ZRANB3: variants seen among roughly 807,000 people sequenced by gnomAD.
ZRANB3 encodes zinc finger RANBP2-type containing 3, also known as DNA annealing helicase and endonuclease ZRANB3.
Under a neutral mutation model 133.8 loss-of-function variants are expected in ZRANB3, and 125 were observed. The ratio of observed to expected loss-of-function variants is 0.93; its 90% CI spans 0.81 to 1.08. The LOEUF (loss-of-function observed/expected upper bound fraction) is 1.08. ZRANB3 is among the 50% of genes least tolerant of loss of function. The probability of loss-of-function intolerance (pLI) is 0.00; values close to 1 mark genes in which losing one functional copy is unlikely to be tolerated. For missense variants in ZRANB3, 1,229 were observed against 1,275.5 expected (o/e 0.96, Z 0.56); for synonymous variants, 387 against 432.7 (o/e 0.89, Z 1.31).
At chr2:135,259,792 C>A (rs1679859120) in intron 12 of ZRANB3, among the ~76,000 whole-genome samples, 1 of 151,004 alleles carries the variant, frequency 6.6e-6, no homozygotes, top group African/African-American at 2.4e-5. Flanking sequence ...TTTTTTGGCT[C>A]ACCTATGAAT....
At chr2:135,521,660 C>T (rs1162216374) in intron 1 of ZRANB3, among the ~76,000 whole-genome samples, 1 of 152,138 alleles carries the variant, frequency 6.6e-6, no homozygotes, top group Non-Finnish European at 1.5e-5. Context: ...CTGTAAACAA[C>T]ACAACACAAT....
intron 14 of ZRANB3, among the ~76,000 whole-genome samples, chr2:135,226,639 G>C (rs1694771380): frequency 6.6e-6 from 1 of 152,174 alleles, no homozygotes; most frequent in African/African-American, 2.4e-5. Flanking sequence ...TTTATCAAGA[G>C]ATCAATGTAC....
intron 2 of ZRANB3, among the ~76,000 whole-genome samples, chr2:135,436,889 T>C (rs1689559574): frequency 1.3e-5 from 2 of 152,202 alleles, no homozygotes; most frequent in Admixed American, 6.5e-5. Flanking sequence ...AGAATTTTCA[T>C]AGCAGTACTA....
At chr2:135,452,602 T>C (rs1690324470) in intron 2 of ZRANB3, among the ~76,000 whole-genome samples, 1 of 152,126 alleles carries the variant, frequency 6.6e-6, no homozygotes. Flanking sequence ...ATGGAGGAAT[T>C]GGCCAAAATA....
chr2:135,494,307 C>CAAAAA (rs770757530), intron 2 of ZRANB3, among the ~76,000 whole-genome samples: 1 of 51,238 alleles, frequency 2.0e-5, no homozygotes, highest in Non-Finnish European at 4.0e-5. Context: ...GACTCCGTCT[C>CAAAAA]AAAAAAAAAA....
At chr2:135,497,850 C>T (rs1347892280) in intron 2 of ZRANB3, among the ~76,000 whole-genome samples, 3 of 151,918 alleles carry the variant, frequency 2.0e-5, no homozygotes, top group Admixed American at 6.6e-5. Context: ...GTCAGGAGTT[C>T]GAGATGAGCC....
At chr2:135,379,162 A>T (rs1483544962) in intron 3 of ZRANB3, among the ~76,000 whole-genome samples, 2 of 152,180 alleles carry the variant, frequency 1.3e-5, no homozygotes, top group Non-Finnish European at 2.9e-5. Flanking sequence ...ATAATTCTAT[A>T]AATCTAAAAT....
rs374496014 is a variant in ZRANB3 at position 135,454,410 on chromosome 2, C to T, written c.161+49919G>A. Among the ~76,000 whole-genome samples, 8 of 151,374 alleles carry T rather than the reference C, an allele frequency of 5.3e-5. No individual in the cohort carries two copies. In the Admixed American group the frequency reaches 5.3e-4, roughly 10 times the overall value. On this transcript the variant is annotated intron_variant, in intron 2 of 20. Coordinates refer to ENST00000264159, the MANE Select transcript of ZRANB3 (RefSeq NM_032143.4). ...ATTAATTTATTGGGTCTCTCACTCT[C>T]TCTCTTTTTAAATCTTTAATTTTTT...
rs1447133749 is a variant in ZRANB3 at position 135,398,831 on chromosome 2, CT to C, written c.162-8012del. Among the ~76,000 whole-genome samples the C allele has an allele frequency of 5.9e-5, 9 of 152,262 alleles. No individual in the cohort carries two copies. The South Asian group carries it at 1.5e-3, about 25-fold the overall frequency. On this transcript the variant is annotated intron_variant, in intron 2 of 20. Coordinates refer to ENST00000264159, the MANE Select transcript of ZRANB3 (RefSeq NM_032143.4). ...AGCCACTGCACCCAGCATTTTGTCA[CT>C]TTTTTTATTGATCAGTTCTCCTTGG...
intron 3 of ZRANB3, among the ~76,000 whole-genome samples, chr2:135,387,055 A>C (rs1687017374): frequency 6.6e-6 from 1 of 152,112 alleles, no homozygotes; most frequent in Non-Finnish European, 1.5e-5. Flanking sequence ...AGGGGGAATA[A>C]TACTAGTGAA....
intron 2 of ZRANB3, among the ~76,000 whole-genome samples, chr2:135,488,577 T>C (rs1692228977): frequency 6.6e-6 from 1 of 151,320 alleles, no homozygotes; most frequent in African/African-American, 2.4e-5. Flanking sequence ...ATAGCATAAT[T>C]TGTAAAAACC....
chr2:135,421,136 G>C (rs1262278368), intron 2 of ZRANB3, among the ~76,000 whole-genome samples: 1 of 152,102 alleles, frequency 6.6e-6, no homozygotes, highest in Non-Finnish European at 1.5e-5. Context: ...AGTCAAGCTG[G>C]ATAAATTACA....
At chr2:135,494,796 A>C (rs191952643) in intron 2 of ZRANB3, among the ~76,000 whole-genome samples, 2 of 152,352 alleles carry the variant, frequency 1.3e-5, no homozygotes, top group East Asian at 3.9e-4. Flanking sequence ...ATGAAAGGGT[A>C]AGGAAGTGTC....
At chr2:135,319,532 A>T (rs1266289983) in intron 6 of ZRANB3, among the ~76,000 whole-genome samples, 6 of 149,774 alleles carry the variant, frequency 4.0e-5, no homozygotes, top group Non-Finnish European at 7.4e-5. Flanking sequence ...ATTATAATCA[A>T]ATTTGAAAAA....
At chr2:135,326,898 CAAAAAAAAAAAAAAA>C (rs56683794) in intron 6 of ZRANB3, among the ~76,000 whole-genome samples, 1 of 61,462 alleles carries the variant, frequency 1.6e-5, no homozygotes, top group African/African-American at 4.3e-5. Context: ...GACTCCATCT[CAAAAAAAAAAAAAAA>C]AAAAAAAAAG....
At chr2:135,268,115 T>C (rs1390129248) in intron 11 of ZRANB3, among the ~76,000 whole-genome samples, 4 of 152,208 alleles carry the variant, frequency 2.6e-5, no homozygotes, top group Non-Finnish European at 5.9e-5. Flanking sequence ...ATTGGTACTT[T>C]GTTATGGCTG....
At chr2:135,332,146 A>G (rs1429724459) in intron 6 of ZRANB3, among the ~76,000 whole-genome samples, 1 of 152,200 alleles carries the variant, frequency 6.6e-6, no homozygotes, top group Non-Finnish European at 1.5e-5. Flanking sequence ...ACTTATTAGT[A>G]TAGTAGAATT....
Position 135,315,506 on chromosome 2 carries a change from C to A in ZRANB3, c.702G>T (p.Trp234Cys). ...TAAGATTTGATGCCCCTCTACAATC[C>A]CACTGAGGTCTTTTACCAAAATATC... is the stretch of plus-strand genomic sequence containing the variant. Reference protein sequence around the residue: ...HIRYFGKRPQWDCRGASNLNE... With the variant: ...HIRYFGKRPQCDCRGASNLNE... Residue 234 changes from tryptophan (W) to cysteine (C), a missense_variant, in exon 7 of 21, where the codon TGG (tryptophan) becomes TGT (cysteine). Physicochemically the swap from Trp to Cys is radical, Grantham distance 215. Transcript: ENST00000264159. 2 of 1,544,766 alleles carry A rather than the reference C, an allele frequency of 1.3e-6. No homozygotes were observed. Among genetic ancestry groups the A allele is most frequent in the Non-Finnish European group, 1.7e-6 (2 of 1,152,094 alleles).
chr2:135,333,284 C>T (rs1405790237), intron 6 of ZRANB3, among the ~76,000 whole-genome samples: 3 of 151,612 alleles, frequency 2.0e-5, no homozygotes, highest in African/African-American at 7.3e-5. Context: ...CTGCCATCCC[C>T]GAAAGTACAG....
Sources: allele counts gnomAD v4.1 joint callset (sites outside exome capture counted in the v4.1 genomes callset), GRCh38; gene constraint gnomAD v4.1.1; transcripts MANE v1.5; gene names NCBI Gene and HGNC (gene_info 2026-07-23, HGNC 2026-07-21).